The following CACNA1B variants were observed in gnomAD, a reference collection of about 807,000 sequenced individuals.
The protein encoded by CACNA1B is calcium voltage-gated channel subunit alpha1 B, also known as voltage-dependent N-type calcium channel subunit alpha-1B.
In CACNA1B, 70 loss-of-function variants were observed where a neutral mutation model predicts 247.2. The observed-to-expected ratio is 0.28, with a 90% CI of 0.23 to 0.35. The LOEUF is 0.35. Among genes scored for constraint, CACNA1B ranks in the 10% least tolerant of loss-of-function variants. The pLI, the probability that CACNA1B is intolerant of heterozygous loss-of-function variation, is 1.00. For synonymous variants in CACNA1B, 1,231 were observed against 1,294.4 expected (o/e 0.95, Z 1.05); for missense variants, 2,367 against 3,197.4 (o/e 0.74, Z 6.26).
chr9:137,946,322 G>T (rs780091651), intron 6 of CACNA1B, among the ~76,000 whole-genome samples: 4 of 152,150 alleles, frequency 2.6e-5, no homozygotes, highest in Non-Finnish European at 4.4e-5. Context: ...ATTATCTTTT[G>T]TCTTTACTAG....
intron 20 of CACNA1B, among the ~76,000 whole-genome samples, chr9:138,037,529 A>C (rs556167967): frequency 6.6e-5 from 10 of 152,248 alleles, no homozygotes; most frequent in African/African-American, 2.4e-4. Context: ...TGTGGTGGCA[A>C]GCGCCTGTAA....
chr9:138,072,445 C>T lies in CACNA1B; in HGVS notation c.4675-1043C>T, dbSNP rs979290895. The stretch of plus-strand genomic sequence containing the variant: ...ACCGCCTCTGCGCCTGCACGTGCTC[C>T]TGCTGCTGCTGTCTCATTTGACATC... On this transcript the variant is annotated intron_variant, in intron 32 of 46. Transcript: ENST00000371372. The surrounding 1 kb of genome is among the most constrained non-coding windows in gnomAD (Gnocchi z 4.5). Among the ~76,000 whole-genome samples, 5 of 152,248 alleles carry T rather than the reference C, an allele frequency of 3.3e-5. No homozygotes were observed. The highest frequency in any genetic ancestry group is 3.3e-4 in the Admixed American group (5 of 15,288).
At chr9:137,941,647 A>C (rs957032552) in intron 6 of CACNA1B, among the ~76,000 whole-genome samples, 1 of 152,216 alleles carries the variant, frequency 6.6e-6, no homozygotes, top group African/African-American at 2.4e-5. Flanking sequence ...CTGGTATAAA[A>C]ATAGGCACAT....
intron 3 of CACNA1B, among the ~76,000 whole-genome samples, chr9:137,910,216 G>A (rs141037345): frequency 5.3e-5 from 8 of 152,260 alleles, no homozygotes; most frequent in East Asian, 1.9e-4. Context: ...ATTCAAGTCC[G>A]TTGCCCATTT....
chr9:138,073,922 A>C lies in CACNA1B; in HGVS notation c.4792-79A>C, dbSNP rs986248522. 43 of 1,188,872 alleles carry C rather than the reference A, an allele frequency of 3.6e-5. No homozygotes were observed. The highest frequency in any genetic ancestry group is 5.3e-5 in the Non-Finnish European group (43 of 804,098). 73.6% of individuals were successfully genotyped at this position (1,188,872 alleles called of 1,614,324 possible). On this transcript the variant is annotated intron_variant, in intron 33 of 46. Coordinates refer to ENST00000371372, the MANE Select transcript of CACNA1B (RefSeq NM_000718.4). This position sits in a 1 kb window ranked among gnomAD's most constrained non-coding sequence, Gnocchi z 6.4. The stretch of plus-strand genomic sequence containing the variant: ...GTAGGCTGAGGTCTGTGTGACCTCA[A>C]AGGCCCAGCCACCGTAGCAGGAGGC...
chr9:138,119,741 G>A lies in CACNA1B; in HGVS notation c.6031-424G>A, dbSNP rs187239931. On this transcript the variant is annotated intron_variant, in intron 44 of 46. Transcript: ENST00000371372. ...TGCTGGGGCCTCCTCCTTCACACAC[G>A]TGATGCATTGGCGGCTGTGGGTGAG... is the stretch of plus-strand genomic sequence containing the variant. Among the ~76,000 whole-genome samples the A allele has an allele frequency of 3.6e-3, 551 of 152,254 alleles. 10 individuals are homozygous for A. Among genetic ancestry groups the A allele is most frequent in the Admixed American group, 0.032 (496 of 15,298 alleles).
chr9:137,879,921 C>T (rs1956893536), intron 2 of CACNA1B, among the ~76,000 whole-genome samples: 1 of 152,128 alleles, frequency 6.6e-6, no homozygotes, highest in African/African-American at 2.4e-5. Flanking sequence ...GATGCCTGGC[C>T]CCATGTCTGG....
chr9:138,042,829 C>T, intron 20 of CACNA1B, among the ~76,000 whole-genome samples: 1 of 152,174 alleles, frequency 6.6e-6, no homozygotes, highest in East Asian at 1.9e-4. Flanking sequence ...GGCCAGCAGT[C>T]AAGGCCTCCA....
chr9:137,891,828 C>T lies in CACNA1B; in HGVS notation c.530+8945C>T, dbSNP rs763074332. The stretch of plus-strand genomic sequence containing the variant: ...AGCATCTCTACTCCAGCCAGACGGA[C>T]GCTAACGCAGATTCATTCCTAGCAG... On this transcript the variant is annotated intron_variant, in intron 3 of 46. Coordinates refer to ENST00000371372, the MANE Select transcript of CACNA1B (RefSeq NM_000718.4). The surrounding 1 kb of genome is among the most constrained non-coding windows in gnomAD (Gnocchi z 4.3). 3.1e-5 allele frequency: 11 copies of T among 356,634 alleles called. No individual in the cohort carries two copies. Among genetic ancestry groups the T allele is most frequent in the Middle Eastern group, 5.2e-4 (1 of 1,910 alleles). The allele number at this position is 356,634 out of a possible 1,614,324, so 22.1% of individuals were successfully genotyped here.
intron 31 of CACNA1B, among the ~76,000 whole-genome samples, chr9:138,063,917 C>T (rs972947408): frequency 2.0e-5 from 3 of 152,138 alleles, no homozygotes; most frequent in African/African-American, 7.2e-5. Context: ...TGGGGGGTGT[C>T]GGTGTTGAGG....
intron 20 of CACNA1B, among the ~76,000 whole-genome samples, chr9:138,037,581 C>T (rs1187205736): frequency 1.3e-5 from 2 of 152,066 alleles, no homozygotes; most frequent in Non-Finnish European, 2.9e-5. Context: ...ATCGCTTGAA[C>T]ACGAGAGGCG....
chr9:138,074,678 G>A (rs1246737570), intron 34 of CACNA1B, among the ~76,000 whole-genome samples: 3 of 152,268 alleles, frequency 2.0e-5, no homozygotes, highest in African/African-American at 7.2e-5. Context: ...ACAGGTGGAT[G>A]CACCGTGGTG....
At chr9:137,935,468 G>A (rs1332349538) in intron 6 of CACNA1B, among the ~76,000 whole-genome samples, 1 of 152,198 alleles carries the variant, frequency 6.6e-6, no homozygotes, top group Non-Finnish European at 1.5e-5. Flanking sequence ...ATTCCATGGT[G>A]TATATGTGCC....
intron 31 of CACNA1B, among the ~76,000 whole-genome samples, chr9:138,065,522 G>C (rs2133520081): frequency 1.3e-5 from 2 of 152,282 alleles, no homozygotes; most frequent in Middle Eastern, 6.8e-3. Context: ...CTCTGTGTTG[G>C]GGGCATGCCC....
intron 44 of CACNA1B, among the ~76,000 whole-genome samples, chr9:138,119,597 C>T (rs539051263): frequency 2.0e-5 from 3 of 152,310 alleles, no homozygotes; most frequent in Admixed American, 6.5e-5. Flanking sequence ...CCTCTCCTCC[C>T]TCTTAGGGTT....
In CACNA1B at chr9:137,880,749, C is replaced by G. The variant is rs1289101681; in HGVS notation, c.390+1590C>G. On this transcript the variant is annotated intron_variant, in intron 2 of 46. Coordinates refer to ENST00000371372, the MANE Select transcript of CACNA1B (RefSeq NM_000718.4). The surrounding 1 kb of genome is among the most constrained non-coding windows in gnomAD (Gnocchi z 4.8). ...GTCCCAGTCCCATGTGCAGGCCCAG[C>G]CATTGATGTCCCCTGGGATGGAGGG... Among the ~76,000 whole-genome samples, 2 of 152,140 alleles carry G rather than the reference C, an allele frequency of 1.3e-5. No individual in the cohort carries two copies. The highest frequency in any genetic ancestry group is 4.8e-5 in the African/African-American group (2 of 41,424).
At chr9:138,096,993 G>T (rs1961077370) in intron 37 of CACNA1B, among the ~76,000 whole-genome samples, 1 of 151,562 alleles carries the variant, frequency 6.6e-6, no homozygotes, top group Admixed American at 6.6e-5. Flanking sequence ...GGGCTTGTGG[G>T]AGGGTGTGTG....
chr9:137,984,489 G>T (rs1223071906), intron 13 of CACNA1B, among the ~76,000 whole-genome samples: 1 of 152,238 alleles, frequency 6.6e-6, no homozygotes, highest in East Asian at 1.9e-4. Context: ...TTGTTCACTT[G>T]CTTTCCACGA....
chr9:138,070,553 G>A (rs1589110346), intron 32 of CACNA1B, among the ~76,000 whole-genome samples: 1 of 152,234 alleles, frequency 6.6e-6, no homozygotes, highest in Admixed American at 6.5e-5. Context: ...CTGTGACTGT[G>A]GAAATTAATA....
Sources: gnomAD v4.1 joint callset for allele counts (sites outside exome capture counted in the v4.1 genomes callset) on GRCh38, gnomAD v4.1.1 for gene constraint, Gnocchi (gnomAD v3.1) non-coding constraint, MANE v1.5 for transcripts, NCBI Gene and HGNC (gene_info 2026-07-23, HGNC 2026-07-21) for gene names.